Variants in PRKCQ observed in about 807,000 individuals in gnomAD.
PRKCQ encodes the protein protein kinase C theta type.
A neutral mutation model predicts 91.2 loss-of-function variants in PRKCQ; 41 were observed. The observed-to-expected ratio is 0.45, with a 90% CI of 0.35 to 0.58. PRKCQ has a LOEUF of 0.58. PRKCQ is among the 20% of genes least tolerant of loss of function. PRKCQ has a pLI of 0.00. For synonymous variants in PRKCQ, 307 were observed against 316.9 expected (o/e 0.97, Z 0.33); for missense variants, 673 against 896.5 (o/e 0.75, Z 3.18).
the PRKCQ span, among the ~76,000 whole-genome samples, chr10:6,417,350 C>A: frequency 6.6e-6 from 1 of 152,174 alleles, no homozygotes; most frequent in Non-Finnish European, 1.5e-5. Context: ...ACACCCAGAG[C>A]TTCTTAAAGC....
At chr10:6,529,188 C>G (rs552329475) in intron 1 of PRKCQ, among the ~76,000 whole-genome samples, 276 of 152,298 alleles carry the variant, frequency 1.8e-3, no homozygotes, top group African/African-American at 6.1e-3. Flanking sequence ...AAGAAGCTAA[C>G]TTCATCAGAT....
intron 1 of PRKCQ, among the ~76,000 whole-genome samples, chr10:6,552,893 ATTTT>A (rs71515440): frequency 2.4e-5 from 1 of 40,884 alleles, no homozygotes; most frequent in Non-Finnish European, 1.1e-4. Context: ...AAAAATTAAA[ATTTT>A]TTTTTAATTA....
At chr10:6,451,350 A>G (rs1834664964) in intron 15 of PRKCQ, among the ~76,000 whole-genome samples, 2 of 152,222 alleles carry the variant, frequency 1.3e-5, no homozygotes, top group African/African-American at 4.8e-5. Flanking sequence ...ATTCCTCGAC[A>G]TATACACTCT....
chr10:6,543,711 C>T (rs1051274116), intron 1 of PRKCQ, among the ~76,000 whole-genome samples: 4 of 152,206 alleles, frequency 2.6e-5, no homozygotes, highest in Non-Finnish European at 4.4e-5. Context: ...CAGAGAAACA[C>T]GCTGAGCAGG....
intron 1 of PRKCQ, among the ~76,000 whole-genome samples, chr10:6,570,997 C>G (rs1841023074): frequency 6.6e-6 from 1 of 152,072 alleles, no homozygotes; most frequent in Non-Finnish European, 1.5e-5. Context: ...AAGCAGGAGG[C>G]AAGACAGCTG....
intron 8 of PRKCQ, among the ~76,000 whole-genome samples, chr10:6,488,223 A>G (rs185702160): frequency 6.7e-4 from 102 of 152,318 alleles, no homozygotes; most frequent in African/African-American, 2.3e-3. Context: ...GGCGCTCAAC[A>G]AATACAACTT....
At chr10:6,539,034 G>A (rs1167253378) in intron 1 of PRKCQ, among the ~76,000 whole-genome samples, 1 of 152,148 alleles carries the variant, frequency 6.6e-6, no homozygotes, top group Non-Finnish European at 1.5e-5. Context: ...AAAGTACTGG[G>A]ATTACAGGCG....
In PRKCQ at chr10:6,459,563, AATGTAATTAAGTTAAAG is replaced by A. The variant is rs569860290; in HGVS notation, c.1508+2723_1508+2739del. On this transcript the variant is annotated intron_variant, in intron 14 of 17. Coordinates refer to ENST00000263125, the MANE Select transcript of PRKCQ (RefSeq NM_006257.5). Reference sequence around the variant, plus strand: ...TTTGGAAAAAGGGTCTTTTTTTCCAAATGTAATTAAGTTAAAGATGTAATTAAGTTAAAGATATCAAG... The same window carrying A: ...TTTGGAAAAAGGGTCTTTTTTTCCAAATGTAATTAAGTTAAAGATATCAAG... 1.8e-3 allele frequency among the ~76,000 whole-genome samples: 270 copies of A among 152,318 alleles called. 1 individual carries two copies. The highest frequency in any genetic ancestry group is 6.0e-3 in the African/African-American group (248 of 41,574).
chr10:6,466,407 G>A (rs1236739522), intron 12 of PRKCQ, among the ~76,000 whole-genome samples: 2 of 152,198 alleles, frequency 1.3e-5, no homozygotes, highest in African/African-American at 2.4e-5. Flanking sequence ...CACAGTCAGT[G>A]TTTACTAACA....
At chr10:6,541,981 T>C (rs1839791205) in intron 1 of PRKCQ, among the ~76,000 whole-genome samples, 1 of 152,232 alleles carries the variant, frequency 6.6e-6, no homozygotes, top group African/African-American at 2.4e-5. Context: ...AAAGCAATTC[T>C]GCGCTATTTA....
chr10:6,432,894 G>A (rs1488351041), intron 16 of PRKCQ, among the ~76,000 whole-genome samples: 2 of 151,824 alleles, frequency 1.3e-5, no homozygotes, highest in African/African-American at 2.4e-5. Context: ...TCCCCTAGTC[G>A]ACTCCTGCTT....
intron 16 of PRKCQ, among the ~76,000 whole-genome samples, chr10:6,439,047 C>T (rs542299870): frequency 1.2e-4 from 19 of 152,274 alleles, no homozygotes; most frequent in African/African-American, 4.3e-4. Flanking sequence ...CTTGCTACGC[C>T]CATACACTGT....
chr10:6,448,018 A>T (rs1015562656), intron 15 of PRKCQ, among the ~76,000 whole-genome samples: 1 of 152,216 alleles, frequency 6.6e-6, no homozygotes, highest in Non-Finnish European at 1.5e-5. Context: ...GTGGGAGGGC[A>T]GCCTCCGACC....
intron 8 of PRKCQ, among the ~76,000 whole-genome samples, chr10:6,489,769 GT>G (rs1465672274): frequency 6.6e-6 from 1 of 152,062 alleles, no homozygotes; most frequent in African/African-American, 2.4e-5. Flanking sequence ...AATGTAGGTG[GT>G]AGGAGAGAGC....
At chr10:6,525,674 TCTTA>T (rs1275701046) in intron 1 of PRKCQ, among the ~76,000 whole-genome samples, 1 of 152,192 alleles carries the variant, frequency 6.6e-6, no homozygotes, top group Non-Finnish European at 1.5e-5. Flanking sequence ...TCCCAGACAC[TCTTA>T]CTCTAAGTCC....
chr10:6,579,217 AG>A lies in PRKCQ; in HGVS notation c.-10+993del, dbSNP rs542803269. On this transcript the variant is annotated intron_variant, in intron 1 of 17. Coordinates refer to ENST00000263125, the MANE Select transcript of PRKCQ (RefSeq NM_006257.5). Reference sequence around the variant, plus strand: ...CTCTCAAAGGGCAACTGGAACGTCAAGGACTTGGACACCAGGCACAGATGGT... The same window carrying A: ...CTCTCAAAGGGCAACTGGAACGTCAAGACTTGGACACCAGGCACAGATGGT... Among the ~76,000 whole-genome samples, 12 of 152,344 alleles carry A rather than the reference AG, an allele frequency of 7.9e-5. No homozygotes were observed. The East Asian group carries it at 2.3e-3, about 29-fold the overall frequency.
rs7068096 is a variant in PRKCQ, at chr10:6,505,491, C to T, written c.379+1945G>A. Reference sequence around the variant, plus strand: ...TTTTTCTCCTTCCTTCCTTCCTTCCCTCCCTCCCTCCTCCTTCCTTCCTTC... The same window carrying T: ...TTTTTCTCCTTCCTTCCTTCCTTCCTTCCCTCCCTCCTCCTTCCTTCCTTC... On this transcript the variant is annotated intron_variant, in intron 4 of 17. Coordinates refer to ENST00000263125, the MANE Select transcript of PRKCQ (RefSeq NM_006257.5). Among the ~76,000 whole-genome samples the T allele has an allele frequency of 9.1e-4, 110 of 120,994 alleles. 1 individual carries two copies. The highest frequency in any genetic ancestry group is 3.6e-3 in the South Asian group (12 of 3,318). The allele number at this position is 120,994 out of a possible 152,430, so 79.4% of individuals were successfully genotyped here. A position where few individuals can be genotyped will look rare whatever the true frequency, so the allele number is the denominator to read the frequency against.
intron 14 of PRKCQ, among the ~76,000 whole-genome samples, chr10:6,458,101 ATT>A (rs1835120589): frequency 1.3e-5 from 2 of 152,186 alleles, no homozygotes; most frequent in African/African-American, 2.4e-5. Context: ...TGCCTGGCTA[ATT>A]TTTAAAATTT....
intron 2 of PRKCQ, 59 bp from the exon 3 acceptor site, chr10:6,511,253 G>A (rs944090985): frequency 1.7e-5 from 26 of 1,524,502 alleles, no homozygotes; most frequent in Non-Finnish European, 2.2e-5. Context: ...AAATAATTCA[G>A]TTCAACTCAA....
Sources: gnomAD v4.1 joint callset for allele counts (sites outside exome capture counted in the v4.1 genomes callset) on GRCh38, gnomAD v4.1.1 for gene constraint, MANE v1.5 for transcripts, NCBI Gene and HGNC (gene_info 2026-07-23, HGNC 2026-07-21) for gene names.